PDZRN3: variants seen among roughly 807,000 people sequenced by gnomAD.
PDZRN3 encodes PDZ domain containing ring finger 3, also known as E3 ubiquitin-protein ligase PDZRN3.
In PDZRN3, 38 loss-of-function variants were observed where a neutral mutation model predicts 85.7. The observed-to-expected ratio is 0.44, with a 90% CI of 0.34 to 0.58. PDZRN3 has a LOEUF of 0.58. Among genes scored for constraint, PDZRN3 ranks in the 20% least tolerant of loss-of-function variants. The pLI, the probability that PDZRN3 is intolerant of heterozygous loss-of-function variation, is 0.01. For synonymous variants in PDZRN3, 759 were observed against 638.0 expected, an observed-to-expected ratio of 1.19 and a Z score of -2.86; for missense variants, 1,629 against 1,506.4, an observed-to-expected ratio of 1.08 and a Z score of -1.35.
intron 3 of PDZRN3, among the ~76,000 whole-genome samples, chr3:73,580,337 G>C (rs780089941): frequency 1.3e-5 from 2 of 152,124 alleles, no homozygotes; most frequent in Non-Finnish European, 2.9e-5. Flanking sequence ...AGATCCTTAT[G>C]GGGTTCTGTC....
chr3:73,498,698 C>T (rs1223592223), intron 3 of PDZRN3, among the ~76,000 whole-genome samples: 2 of 151,972 alleles, frequency 1.3e-5, no homozygotes, highest in African/African-American at 4.8e-5. Flanking sequence ...GATTCTCCTG[C>T]CCCAGCCTCC....
intron 3 of PDZRN3, among the ~76,000 whole-genome samples, chr3:73,594,336 T>C (rs377519632): frequency 1.3e-5 from 2 of 151,616 alleles, no homozygotes; most frequent in East Asian, 3.9e-4. Flanking sequence ...CTTGCTGATA[T>C]ACATAAACAA....
intron 3 of PDZRN3, among the ~76,000 whole-genome samples, chr3:73,412,885 C>T (rs977509988): frequency 2.0e-5 from 3 of 152,156 alleles, no homozygotes; most frequent in Non-Finnish European, 4.4e-5. Context: ...CTCAGTAACA[C>T]TGGGTGAGAG....
chr3:73,493,637 G>C (rs890480279), intron 3 of PDZRN3, among the ~76,000 whole-genome samples: 4 of 152,086 alleles, frequency 2.6e-5, no homozygotes, highest in Non-Finnish European at 5.9e-5. Flanking sequence ...ATTTCCACTA[G>C]GGCAGCCATC....
At chr3:73,391,195 T>A in intron 5 of PDZRN3, 79 bp from the exon 6 acceptor site, 2 of 872,072 alleles carry the variant, frequency 2.3e-6, no homozygotes, top group Admixed American at 1.9e-5. Flanking sequence ...TTAAAAATAT[T>A]ATCTTCAAAT....
intron 4 of PDZRN3, among the ~76,000 whole-genome samples, chr3:73,403,739 C>T (rs1204331805): frequency 2.0e-5 from 3 of 152,084 alleles, no homozygotes; most frequent in Admixed American, 6.6e-5. Flanking sequence ...AAATGAGACC[C>T]AAGAAAGCAG....
chr3:73,516,608 T>A (rs900858873), intron 3 of PDZRN3, among the ~76,000 whole-genome samples: 1 of 152,234 alleles, frequency 6.6e-6, no homozygotes, highest in African/African-American at 2.4e-5. Context: ...TACATAAGTT[T>A]TAAATTTTTA....
chr3:73,523,005 GTTT>G (rs377137629), intron 3 of PDZRN3, among the ~76,000 whole-genome samples: 1 of 151,870 alleles, frequency 6.6e-6, no homozygotes, highest in Non-Finnish European at 1.5e-5. Flanking sequence ...AAAAGGAAGA[GTTT>G]TTTTTGTTTG....
At chr3:73,527,469 C>T (rs139038019) in intron 3 of PDZRN3, among the ~76,000 whole-genome samples, 5 of 152,128 alleles carry the variant, frequency 3.3e-5, no homozygotes, top group South Asian at 2.1e-4. Flanking sequence ...TTAGGTTAGG[C>T]GATTCTTTCT....
chr3:73,459,895 C>G (rs538526057), intron 3 of PDZRN3, among the ~76,000 whole-genome samples: 8 of 152,286 alleles, frequency 5.3e-5, no homozygotes, highest in Admixed American at 2.0e-4. Context: ...ACGTGGCAGG[C>G]AGGAGTCACA....
intron 3 of PDZRN3, among the ~76,000 whole-genome samples, chr3:73,564,186 C>G (rs540860635): frequency 3.3e-5 from 5 of 152,342 alleles, no homozygotes; most frequent in Admixed American, 2.0e-4. Context: ...TGATTTAGAA[C>G]AGTCACTTAA....
At chr3:73,495,509 T>G (rs1227548269) in intron 3 of PDZRN3, among the ~76,000 whole-genome samples, 1 of 152,234 alleles carries the variant, frequency 6.6e-6, no homozygotes, top group South Asian at 2.1e-4. Context: ...GGACAGCATG[T>G]CTTAGAGACC....
At chr3:73,448,423 A>G (rs1702793539) in intron 3 of PDZRN3, among the ~76,000 whole-genome samples, 1 of 152,208 alleles carries the variant, frequency 6.6e-6, no homozygotes, top group African/African-American at 2.4e-5. Context: ...GATGATGCTG[A>G]ACCCTAGTTC....
chr3:73,494,662 T>A (rs1305139967), intron 3 of PDZRN3, among the ~76,000 whole-genome samples: 1 of 152,248 alleles, frequency 6.6e-6, no homozygotes, highest in Non-Finnish European at 1.5e-5. Flanking sequence ...GTTCTGGATA[T>A]AATTCTTTCA....
chr3:73,554,202 C>T (rs772483005), intron 3 of PDZRN3, among the ~76,000 whole-genome samples: 26 of 152,106 alleles, frequency 1.7e-4, no homozygotes, highest in Non-Finnish European at 3.5e-4. Flanking sequence ...TTATATATAC[C>T]CATGAGGTTC....
intron 3 of PDZRN3, among the ~76,000 whole-genome samples, chr3:73,575,015 GT>G (rs1439455811): frequency 6.6e-6 from 1 of 152,082 alleles, no homozygotes; most frequent in Non-Finnish European, 1.5e-5. Flanking sequence ...GTGATGTTTT[GT>G]TTTTTAAAAA....
intron 3 of PDZRN3, among the ~76,000 whole-genome samples, chr3:73,490,330 A>G (rs1392124330): frequency 6.6e-6 from 1 of 152,158 alleles, no homozygotes; most frequent in Non-Finnish European, 1.5e-5. Context: ...ACCCAAGACC[A>G]TGTACGCCCA....
chr3:73,490,038 G>A (rs1413391675), intron 3 of PDZRN3, among the ~76,000 whole-genome samples: 1 of 152,176 alleles, frequency 6.6e-6, no homozygotes, highest in African/African-American at 2.4e-5. Context: ...GTGAATGTAT[G>A]GATTGACTAA....
Position 73,495,726 on chromosome 3 carries a change from T to C in PDZRN3, c.919-91331A>G, listed in dbSNP as rs550456676. ...CTGATTTATGCTCACGTTTCCAGTGTTATAAAACACAAGGCAGACTTTTAT... is the reference window on the plus strand; with the variant it reads ...CTGATTTATGCTCACGTTTCCAGTGCTATAAAACACAAGGCAGACTTTTAT... On this transcript the variant is annotated intron_variant, in intron 3 of 9. Transcript: ENST00000263666. Among the ~76,000 whole-genome samples the C allele has an allele frequency of 2.0e-5, 3 of 152,342 alleles. No homozygotes were observed. The East Asian group carries it at 5.8e-4, about 29-fold the overall frequency.
Sources: gnomAD v4.1 joint callset for allele counts (sites outside exome capture counted in the v4.1 genomes callset) on GRCh38, gnomAD v4.1.1 for gene constraint, MANE v1.5 for transcripts, NCBI Gene and HGNC (gene_info 2026-07-23, HGNC 2026-07-21) for gene names.